The following MYO3B variants were observed in gnomAD, a reference collection of about 807,000 sequenced individuals.
The protein encoded by MYO3B is myosin-IIIb.
In MYO3B, 156 loss-of-function variants were observed where a neutral mutation model predicts 174.6. The observed-to-expected ratio is 0.89, with a 90% CI of 0.78 to 1.02. The LOEUF is 1.02. Among genes scored for constraint, MYO3B ranks in the 50% least tolerant of loss-of-function variants. The probability of loss-of-function intolerance (pLI) is 0.00; values close to 1 mark genes in which losing one functional copy is unlikely to be tolerated. For missense variants in MYO3B, 1,632 were observed against 1,639.4 expected, an observed-to-expected ratio of 1.00 and a Z score of 0.08; for synonymous variants, 563 against 569.1, an observed-to-expected ratio of 0.99 and a Z score of 0.15.
chr2:170,588,234 AC>A (rs1693608002), intron 32 of MYO3B, among the ~76,000 whole-genome samples: 1 of 151,972 alleles, frequency 6.6e-6, no homozygotes. Context: ...GAACTTCAAG[AC>A]AGCCTGGGCA....
At chr2:170,445,793 C>A (rs1318940004) in intron 23 of MYO3B, among the ~76,000 whole-genome samples, 2 of 152,128 alleles carry the variant, frequency 1.3e-5, no homozygotes. Context: ...ACCACCATAC[C>A]TGGCTAACTA....
rs560064472 is a variant in MYO3B at position 170,426,196 on chromosome 2, G to A, written c.2651-17771G>A. On this transcript the variant is annotated intron_variant, in intron 22 of 34. Transcript: ENST00000408978. The stretch of plus-strand genomic sequence containing the variant: ...TGTTTACCTTAAGAAGATAAACAGG[G>A]GGTGCTGGGGCTCATGCCTGTAATC... 7.9e-5 allele frequency among the ~76,000 whole-genome samples: 12 copies of A among 151,844 alleles called. No homozygotes were observed. The East Asian group carries it at 2.2e-3, about 28-fold the overall frequency.
chr2:170,650,672 C>G (rs1210823488), intron 32 of MYO3B, among the ~76,000 whole-genome samples: 2 of 76,976 alleles, frequency 2.6e-5, no homozygotes, highest in Admixed American at 3.3e-4. Context: ...TGAATTATGA[C>G]TTTTTTTTTT....
intron 7 of MYO3B, among the ~76,000 whole-genome samples, chr2:170,241,885 T>G (rs892304387): frequency 5.9e-5 from 9 of 152,146 alleles, no homozygotes; most frequent in Non-Finnish European, 8.8e-5. Flanking sequence ...AAATTGTTCC[T>G]ATATGGGAAG....
intron 23 of MYO3B, among the ~76,000 whole-genome samples, chr2:170,453,455 A>C (rs74902375): frequency 0.18 from 17,694 of 101,096 alleles, 1,054 homozygotes; most frequent in Admixed American, 0.27. Context: ...CACACACACG[A>C]GAGAGAGAGA....
intron 32 of MYO3B, among the ~76,000 whole-genome samples, chr2:170,578,771 C>T (rs528581152): frequency 4.6e-5 from 7 of 152,318 alleles, no homozygotes; most frequent in Admixed American, 1.3e-4. Context: ...AACGGACGTC[C>T]GCTGCCCCGC....
At chr2:170,231,206 T>C (rs543500336) in intron 6 of MYO3B, among the ~76,000 whole-genome samples, 1 of 152,320 alleles carries the variant, frequency 6.6e-6, no homozygotes, top group East Asian at 1.9e-4. Flanking sequence ...AGGGAGTGAC[T>C]GGGGGTAGAT....
chr2:170,367,922 G>C (rs555691703), intron 8 of MYO3B, among the ~76,000 whole-genome samples: 1 of 152,276 alleles, frequency 6.6e-6, no homozygotes, highest in African/African-American at 2.4e-5. Flanking sequence ...TTTAGGTTCC[G>C]TTGGCTTTTC....
chr2:170,381,998 C>A lies in MYO3B; in HGVS notation c.972-18C>A, dbSNP rs777200512. On this transcript the variant is annotated intron_variant, in intron 9 of 34. Coordinates refer to ENST00000408978, the MANE Select transcript of MYO3B (RefSeq NM_138995.5). ...TATTTGCTGTCTTAATGCTTAAACT[C>A]TCTTGATAAATTTCTAGGCATGAGA... The A allele has an allele frequency of 6.2e-7, 1 of 1,604,774 alleles. No individual in the cohort carries two copies.
At chr2:170,277,203 T>C (rs2093469715) in intron 7 of MYO3B, among the ~76,000 whole-genome samples, 1 of 152,194 alleles carries the variant, frequency 6.6e-6, no homozygotes, top group Admixed American at 6.5e-5. Flanking sequence ...AAGTCCAGGT[T>C]TAGCAGTAGG....
At chr2:170,313,408 G>A (rs554369420) in intron 7 of MYO3B, among the ~76,000 whole-genome samples, 1 of 152,282 alleles carries the variant, frequency 6.6e-6, no homozygotes, top group South Asian at 2.1e-4. Context: ...GTTAGGGGTT[G>A]GGGTTAACCT....
chr2:170,499,604 G>A (rs1687094045), intron 26 of MYO3B, 42 bp from the exon 27 acceptor site: 3 of 1,585,462 alleles, frequency 1.9e-6, no homozygotes, highest in Non-Finnish European at 2.6e-6. Flanking sequence ...AATTTCTGTT[G>A]AGGAACCCAT....
chr2:170,299,985 G>T (rs905963759), intron 7 of MYO3B, among the ~76,000 whole-genome samples: 1 of 152,224 alleles, frequency 6.6e-6, no homozygotes, highest in Non-Finnish European at 1.5e-5. Flanking sequence ...ATTCTCGATG[G>T]TGTGCCACTT....
chr2:170,309,892 G>A (rs2093725998), intron 7 of MYO3B, among the ~76,000 whole-genome samples: 1 of 152,172 alleles, frequency 6.6e-6, no homozygotes, highest in African/African-American at 2.4e-5. Context: ...AAAGGAAACA[G>A]TGTACTCATT....
chr2:170,592,951 GATAT>G (rs926646921), intron 32 of MYO3B, among the ~76,000 whole-genome samples: 2 of 151,486 alleles, frequency 1.3e-5, no homozygotes, highest in Non-Finnish European at 2.9e-5. Flanking sequence ...TCTATATATA[GATAT>G]ATATCTATAG....
chr2:170,300,836 G>GT (rs369013683), intron 7 of MYO3B, among the ~76,000 whole-genome samples: 3 of 152,032 alleles, frequency 2.0e-5, no homozygotes, highest in Non-Finnish European at 1.5e-5. Context: ...TATATTTAGG[G>GT]TTTTTTTGTC....
At chr2:170,524,545 A>G (rs1329816468) in intron 30 of MYO3B, 4 of 442,380 alleles carry the variant, frequency 9.0e-6, no homozygotes, top group African/African-American at 6.1e-5. Context: ...GTGCAATAGC[A>G]TGATCTCAGC....
rs2094504216 is a variant in MYO3B at position 170,405,569 on chromosome 2, G to C, written c.2456G>C (p.Cys819Ser). The change falls in exon 21 of 35, where the codon TGC (cysteine) becomes TCC (serine). Residue 819 changes from cysteine to serine, a missense_variant. Cys to Ser is a moderately radical substitution (Grantham distance 112). Coordinates refer to ENST00000408978, the MANE Select transcript of MYO3B (RefSeq NM_138995.5). The part of the protein sequence containing the change: ...LVDKFEDNLR[C>S]KYFWRPKGVE... ...GATAAATTTGAAGATAATCTACGAT[G>C]CAAATACTTCTGGAGGCCCAAAGGA... The C allele has an allele frequency of 6.2e-7, 1 of 1,614,124 alleles. No individual in the cohort carries two copies. Among genetic ancestry groups the C allele is most frequent in the East Asian group, 2.2e-5 (1 of 44,874 alleles).
At chr2:170,389,931 C>T (rs78517109) in intron 14 of MYO3B, among the ~76,000 whole-genome samples, 7,235 of 152,224 alleles carry the variant, frequency 0.048, 256 homozygotes, top group South Asian at 0.11. Flanking sequence ...CACCTGGACC[C>T]CCTCACTGGT....
Sources: allele counts gnomAD v4.1 joint callset (sites outside exome capture counted in the v4.1 genomes callset), GRCh38; gene constraint gnomAD v4.1.1; transcripts MANE v1.5; gene names NCBI Gene and HGNC (gene_info 2026-07-23, HGNC 2026-07-21).